Variants in RSPRY1 observed in about 807,000 individuals in gnomAD.
RSPRY1 encodes ring finger and SPRY domain containing 1, also known as RING finger and SPRY domain-containing protein 1.
Under a neutral mutation model 73.1 loss-of-function variants are expected in RSPRY1, and 23 were observed. The observed-to-expected ratio is 0.31, with a 90% CI of 0.23 to 0.45. The LOEUF (loss-of-function observed/expected upper bound fraction) is 0.45, where lower values mean the gene tolerates loss of function less well. Ranked by LOEUF, RSPRY1 falls within the 20% of genes least tolerant of loss-of-function variation. RSPRY1 has a pLI of 1.00. For missense variants in RSPRY1, 448 were observed against 698.7 expected (o/e 0.64, Z 4.05); for synonymous variants, 226 against 251.4 (o/e 0.90, Z 0.95).
chr16:57,205,752 T>G (rs1444456569), intron 2 of RSPRY1, among the ~76,000 whole-genome samples: 5 of 152,212 alleles, frequency 3.3e-5, no homozygotes, highest in Non-Finnish European at 7.3e-5. Context: ...TGACATTGGG[T>G]AAGTTACTTC....
chr16:57,216,003 A>G, intron 6 of RSPRY1, 104 bp from the exon 7 acceptor site: 1 of 865,796 alleles, frequency 1.2e-6, no homozygotes, highest in South Asian at 1.6e-5. Flanking sequence ...GACCACTCGA[A>G]AAAACATCTA....
At chr16:57,195,144 A>G (rs1034180159) in intron 1 of RSPRY1, among the ~76,000 whole-genome samples, 7 of 152,218 alleles carry the variant, frequency 4.6e-5, no homozygotes, top group Admixed American at 2.6e-4. Context: ...TAATAATACC[A>G]CACTTCAGAG....
chr16:57,208,704 A>G (rs1197501744), intron 3 of RSPRY1, among the ~76,000 whole-genome samples: 2 of 152,010 alleles, frequency 1.3e-5, no homozygotes, highest in African/African-American at 2.4e-5. Flanking sequence ...CTGGCCAAAG[A>G]TATTTTTTGT....
chr16:57,208,377 TA>T (rs1280528829), intron 3 of RSPRY1, among the ~76,000 whole-genome samples: 15 of 87,908 alleles, frequency 1.7e-4, no homozygotes, highest in South Asian at 4.0e-4. Context: ...GGAGATTATT[TA>T]TATATATATA....
intron 1 of RSPRY1, among the ~76,000 whole-genome samples, chr16:57,197,608 A>G (rs2074473595): frequency 6.6e-6 from 1 of 152,212 alleles, no homozygotes; most frequent in African/African-American, 2.4e-5. Flanking sequence ...CATTTAAGGA[A>G]AATTGCTCTT....
intron 3 of RSPRY1, among the ~76,000 whole-genome samples, chr16:57,208,397 TA>T (rs1190023850): frequency 0.6 from 39,305 of 65,856 alleles, 11,326 homozygotes; most frequent in Non-Finnish European, 0.66. Flanking sequence ...TATATATATA[TA>T]TATTTTTTTT....
intron 13 of RSPRY1, among the ~76,000 whole-genome samples, chr16:57,234,605 G>A (rs2075274499): frequency 6.6e-6 from 1 of 152,204 alleles, no homozygotes; most frequent in Non-Finnish European, 1.5e-5. Context: ...ACCTTCAGCA[G>A]AACAGTTTTG....
At chr16:57,197,709 T>TTTTTTG (rs372042318) in intron 1 of RSPRY1, among the ~76,000 whole-genome samples, 13 of 152,190 alleles carry the variant, frequency 8.5e-5, no homozygotes, top group African/African-American at 2.2e-4. Context: ...TCAGTTTTTG[T>TTTTTTG]TTTTTGTTTT....
chr16:57,216,202 A>G (rs1380344367), intron 7 of RSPRY1, 29 bp downstream of exon 7: 1 of 1,504,006 alleles, frequency 6.6e-7, no homozygotes, highest in African/African-American at 1.4e-5. Flanking sequence ...TGCACTAATG[A>G]TCTTCTGTAT....
At chr16:57,204,255 T>C (rs1444713260) in intron 1 of RSPRY1, among the ~76,000 whole-genome samples, 3 of 152,168 alleles carry the variant, frequency 2.0e-5, no homozygotes, top group African/African-American at 4.8e-5. Context: ...AAAAAATCAA[T>C]GATAACTCCT....
At chr16:57,194,248 T>C (rs2074400173) in intron 1 of RSPRY1, among the ~76,000 whole-genome samples, 1 of 152,158 alleles carries the variant, frequency 6.6e-6, no homozygotes. Flanking sequence ...AAGAGATGGA[T>C]AGCGATAAAG....
At chr16:57,190,464 A>G (rs1410885193) in intron 1 of RSPRY1, among the ~76,000 whole-genome samples, 1 of 152,210 alleles carries the variant, frequency 6.6e-6, no homozygotes, top group Non-Finnish European at 1.5e-5. Context: ...AGTCACCACA[A>G]ATGGGAAACA....
At chr16:57,205,481 A>G (rs1312074222) in intron 2 of RSPRY1, among the ~76,000 whole-genome samples, 1 of 152,306 alleles carries the variant, frequency 6.6e-6, no homozygotes, top group African/African-American at 2.4e-5. Context: ...TTGATCCTTT[A>G]TCCCTTATTT....
chr16:57,189,504 TAAA>T (rs750796926), intron 1 of RSPRY1, among the ~76,000 whole-genome samples: 1 of 138,006 alleles, frequency 7.2e-6, no homozygotes. Flanking sequence ...GCCTGGAGGC[TAAA>T]AAAAAAAAAA....
intron 5 of RSPRY1, 98 bp from the exon 6 acceptor site, chr16:57,213,790 G>A (rs1417326799): frequency 5.7e-6 from 5 of 884,192 alleles, no homozygotes; most frequent in South Asian, 2.7e-5. Context: ...ATAAGATAAT[G>A]TGCATGAAAG....
At chr16:57,212,760 G>A (rs896078008) in intron 4 of RSPRY1, among the ~76,000 whole-genome samples, 12 of 151,988 alleles carry the variant, frequency 7.9e-5, no homozygotes, top group South Asian at 2.1e-4. Flanking sequence ...GATTACAGGC[G>A]CGCACCACCA....
intron 5 of RSPRY1, 95 bp downstream of exon 5, chr16:57,213,193 A>ATTTT: frequency 8.3e-7 from 1 of 1,198,630 alleles, no homozygotes; most frequent in Non-Finnish European, 1.1e-6. Context: ...GCTATACCAG[A>ATTTT]AAGAAATCTC....
chr16:57,197,002 G>A (rs1057331935), intron 1 of RSPRY1, among the ~76,000 whole-genome samples: 17 of 152,196 alleles, frequency 1.1e-4, no homozygotes, highest in African/African-American at 4.1e-4. Context: ...GCAGGGCTGG[G>A]ACTTTCACCT....
intron 3 of RSPRY1, among the ~76,000 whole-genome samples, chr16:57,208,489 A>G (rs538715817): frequency 3.8e-4 from 56 of 147,170 alleles, no homozygotes; most frequent in Non-Finnish European, 7.0e-4. Flanking sequence ...GCCTCAACCT[A>G]CCCTGGCCCA....
Sources: allele counts gnomAD v4.1 joint callset (sites outside exome capture counted in the v4.1 genomes callset), GRCh38; gene constraint gnomAD v4.1.1; transcripts MANE v1.5; gene names NCBI Gene and HGNC (gene_info 2026-07-23, HGNC 2026-07-21).